The following NELL1 variants were observed in gnomAD, a reference collection of about 807,000 sequenced individuals.
NELL1 encodes the protein protein kinase C-binding protein NELL1.
In NELL1, 76 loss-of-function variants were observed where a neutral mutation model predicts 107.4. The ratio of observed to expected loss-of-function variants is 0.71; its 90% CI spans 0.59 to 0.86. The LOEUF (loss-of-function observed/expected upper bound fraction) is 0.86. Among genes scored for constraint, NELL1 ranks in the 40% least tolerant of loss-of-function variants. The pLI, the probability that NELL1 is intolerant of heterozygous loss-of-function variation, is 0.00. For synonymous variants in NELL1, 353 were observed against 341.2 expected, an observed-to-expected ratio of 1.03 and a Z score of -0.38; for missense variants, 1,024 against 1,005.5, an observed-to-expected ratio of 1.02 and a Z score of -0.25.
intron 12 of NELL1, among the ~76,000 whole-genome samples, chr11:21,064,678 AG>A (rs1378772458): frequency 6.6e-6 from 1 of 152,124 alleles, no homozygotes; most frequent in East Asian, 1.9e-4. Flanking sequence ...AAAGTGGGGA[AG>A]AGTGGAGGGT....
intron 12 of NELL1, among the ~76,000 whole-genome samples, chr11:21,103,315 T>C (rs140073341): frequency 1.3e-5 from 2 of 152,210 alleles, no homozygotes; most frequent in East Asian, 3.9e-4. Context: ...GGTGAATGAA[T>C]AATTTGACCA....
intron 15 of NELL1, among the ~76,000 whole-genome samples, chr11:21,501,850 T>C (rs1855152097): frequency 6.7e-6 from 1 of 150,150 alleles, no homozygotes; most frequent in Non-Finnish European, 1.5e-5. Flanking sequence ...TTATGTTGTA[T>C]AGTTCCTTTT....
At chr11:21,265,525 A>G (rs1251534286) in intron 14 of NELL1, among the ~76,000 whole-genome samples, 2 of 152,046 alleles carry the variant, frequency 1.3e-5, no homozygotes, top group African/African-American at 4.8e-5. Flanking sequence ...TAATTGTGCA[A>G]TAGAGAAAAT....
At chr11:20,883,587 C>T (rs1283658040) in intron 4 of NELL1, among the ~76,000 whole-genome samples, 3 of 152,286 alleles carry the variant, frequency 2.0e-5, no homozygotes, top group Non-Finnish European at 2.9e-5. Context: ...GCTTCTGCCT[C>T]GTCACCCAAA....
In NELL1 at chr11:21,331,184, T is replaced by A. The variant is rs115130687; in HGVS notation, c.1550-39669T>A. 6.4e-3 allele frequency among the ~76,000 whole-genome samples: 981 copies of A among 152,240 alleles called. 10 individuals are homozygous for A. The highest frequency in any genetic ancestry group is 0.022 in the African/African-American group (907 of 41,574). ...TTTATTGTAGTTGCTTTAGAGTCTT[T>A]GTCATGTTCATATCTAGTCCTTCTC... On this transcript the variant is annotated intron_variant, in intron 14 of 19. Transcript: ENST00000357134.
intron 19 of NELL1, 57 bp downstream of exon 19, chr11:21,573,466 A>G: frequency 6.8e-7 from 1 of 1,471,214 alleles, no homozygotes; most frequent in Non-Finnish European, 9.5e-7. Context: ...GAACACTTGC[A>G]GGAGGTCCAC....
In NELL1 at chr11:20,930,526, C is replaced by T. The variant is rs570037989; in HGVS notation, c.997+2047C>T. Among the ~76,000 whole-genome samples the T allele has an allele frequency of 1.3e-4, 20 of 152,076 alleles. No homozygotes were observed. The South Asian group carries it at 2.7e-3, about 21-fold the overall frequency. On this transcript the variant is annotated intron_variant, in intron 9 of 19. Transcript: ENST00000357134. ...TCCCACTTTTCACTATTATAAAGCA[C>T]GCTTAAATAACATGTTTTGTATAGA...
intron 15 of NELL1, among the ~76,000 whole-genome samples, chr11:21,472,423 C>T (rs1213481778): frequency 1.3e-5 from 2 of 151,958 alleles, no homozygotes; most frequent in African/African-American, 4.8e-5. Flanking sequence ...CCACTAAGCA[C>T]ATTACTCATT....
intron 14 of NELL1, among the ~76,000 whole-genome samples, chr11:21,286,592 AGTGGCC>A (rs1849121530): frequency 1.3e-5 from 2 of 152,230 alleles, no homozygotes; most frequent in African/African-American, 4.8e-5. Flanking sequence ...AACAAAAGAC[AGTGGCC>A]CAGTTGTTGG....
chr11:20,754,874 C>G (rs1278330902), intron 2 of NELL1, among the ~76,000 whole-genome samples: 1 of 152,114 alleles, frequency 6.6e-6, no homozygotes, highest in East Asian at 1.9e-4. Flanking sequence ...TAGACTGGAG[C>G]CTTAATGTTA....
chr11:21,336,593 G>C (rs1357580669), intron 14 of NELL1, among the ~76,000 whole-genome samples: 1 of 150,248 alleles, frequency 6.7e-6, no homozygotes, highest in Non-Finnish European at 1.5e-5. Flanking sequence ...CTAGAATTCA[G>C]GTCTTTTTCT....
chr11:21,130,224 G>C (rs1434562556), intron 13 of NELL1, among the ~76,000 whole-genome samples: 25 of 152,282 alleles, frequency 1.6e-4, no homozygotes, highest in African/African-American at 5.5e-4. Flanking sequence ...TCTATCCTGT[G>C]AGTATCTCTA....
chr11:21,138,149 G>T (rs1035517801), intron 13 of NELL1, among the ~76,000 whole-genome samples: 2 of 151,998 alleles, frequency 1.3e-5, no homozygotes, highest in East Asian at 3.9e-4. Flanking sequence ...TATTCCCTCG[G>T]TGCTCTTGGG....
chr11:21,214,860 T>TACATGAG (rs1857580324), intron 13 of NELL1, among the ~76,000 whole-genome samples: 1 of 152,204 alleles, frequency 6.6e-6, no homozygotes, highest in Non-Finnish European at 1.5e-5. Context: ...TTGTGAATTT[T>TACATGAG]ACATGAGATA....
At chr11:21,218,541 C>A (rs1222153139) in intron 13 of NELL1, among the ~76,000 whole-genome samples, 1 of 151,882 alleles carries the variant, frequency 6.6e-6, no homozygotes, top group African/African-American at 2.4e-5. Flanking sequence ...AATAAGTTAC[C>A]CCAGGGGTAA....
intron 15 of NELL1, among the ~76,000 whole-genome samples, chr11:21,375,837 G>A (rs1851462717): frequency 6.6e-6 from 1 of 151,962 alleles, no homozygotes; most frequent in Non-Finnish European, 1.5e-5. Context: ...TTTGTTGGCT[G>A]CTTGTATGTC....
At chr11:21,556,882 G>C (rs959612333) in intron 16 of NELL1, among the ~76,000 whole-genome samples, 2 of 151,878 alleles carry the variant, frequency 1.3e-5, no homozygotes, top group African/African-American at 4.8e-5. Context: ...ATAGATTTGA[G>C]TACGAAATAC....
rs1856939232 is a variant in NELL1, at chr11:21,565,124, AC to A, written c.1980+4745del. ...AAAAATGCTTTGCCTTGCTCTTTGA[AC>A]CCAACTAGCAGCATTATAAATATTT... On this transcript the variant is annotated intron_variant, in intron 17 of 19. Transcript: ENST00000357134. Among the ~76,000 whole-genome samples the A allele has an allele frequency of 2.0e-5, 3 of 151,392 alleles. No homozygotes were observed. In the South Asian group the frequency reaches 6.2e-4, roughly 32 times the overall value.
chr11:21,449,652 G>A (rs1853529993), intron 15 of NELL1, among the ~76,000 whole-genome samples: 1 of 152,160 alleles, frequency 6.6e-6, no homozygotes. Flanking sequence ...AGTTTCTCCA[G>A]TGTTTTGCCT....
Sources: gnomAD v4.1 joint callset for allele counts (sites outside exome capture counted in the v4.1 genomes callset) on GRCh38, gnomAD v4.1.1 for gene constraint, MANE v1.5 for transcripts, NCBI Gene and HGNC (gene_info 2026-07-23, HGNC 2026-07-21) for gene names.